Variants in ESRRG observed in about 807,000 individuals in gnomAD.
ESRRG encodes the protein estrogen related receptor gamma.
In ESRRG, 13 loss-of-function variants were observed where a neutral mutation model predicts 44.0. The observed-to-expected ratio is 0.30, with a 90% CI of 0.19 to 0.47. The LOEUF (loss-of-function observed/expected upper bound fraction) is 0.47. ESRRG is among the 20% of genes least tolerant of loss of function. The probability of loss-of-function intolerance (pLI) is 1.00; values close to 1 mark genes in which losing one functional copy is unlikely to be tolerated. For missense variants in ESRRG, 395 were observed against 580.6 expected (o/e 0.68, Z 3.29); for synonymous variants, 215 against 214.6 (o/e 1.00, Z -0.02).
At chr1:216,994,977 C>T (rs1317199718) in intron 1 of ESRRG, among the ~76,000 whole-genome samples, 2 of 152,186 alleles carry the variant, frequency 1.3e-5, no homozygotes, top group Non-Finnish European at 2.9e-5. Flanking sequence ...CCTTCATAAG[C>T]CAGCTTTGCT....
At chr1:217,039,204 G>C (rs149078208) in intron 1 of ESRRG, among the ~76,000 whole-genome samples, 4,272 of 152,142 alleles carry the variant, frequency 0.028, 133 homozygotes, top group East Asian at 0.12. Context: ...ACATTTTCCT[G>C]TCTTCCTCTG....
At chr1:216,648,347 A>C (rs979583909) in intron 3 of ESRRG, among the ~76,000 whole-genome samples, 5 of 152,164 alleles carry the variant, frequency 3.3e-5, no homozygotes, top group Non-Finnish European at 7.4e-5. Flanking sequence ...TAAAAAACTG[A>C]TATTTTGCCA....
intron 2 of ESRRG, among the ~76,000 whole-genome samples, chr1:216,922,492 A>C (rs1578184900): frequency 6.6e-6 from 1 of 152,326 alleles, no homozygotes; most frequent in Middle Eastern, 3.4e-3. Context: ...CAGGGTAGAA[A>C]AATACAAAGA....
At chr1:216,977,361 C>CACAT (rs2073147182) in intron 1 of ESRRG, among the ~76,000 whole-genome samples, 2 of 151,754 alleles carry the variant, frequency 1.3e-5, no homozygotes, top group Non-Finnish European at 2.9e-5. Flanking sequence ...CACACACACA[C>CACAT]ACACACACAC....
At chr1:216,828,558 T>C (rs2095435503) in intron 2 of ESRRG, among the ~76,000 whole-genome samples, 1 of 152,180 alleles carries the variant, frequency 6.6e-6, no homozygotes, top group African/African-American at 2.4e-5. Context: ...GTGACCAGAA[T>C]ACACACCTTC....
chr1:217,072,804 G>A (rs867157512), intron 1 of ESRRG, among the ~76,000 whole-genome samples: 2 of 152,048 alleles, frequency 1.3e-5, no homozygotes, highest in South Asian at 2.1e-4. Flanking sequence ...ATCTGAAATC[G>A]CAAGCCATAG....
chr1:216,974,591 A>C (rs1030819281), intron 1 of ESRRG, among the ~76,000 whole-genome samples: 3 of 152,200 alleles, frequency 2.0e-5, no homozygotes, highest in Non-Finnish European at 4.4e-5. Flanking sequence ...TTTTTTAAAC[A>C]GAAAAAAATG....
At chr1:216,831,646 A>G (rs193138312) in intron 2 of ESRRG, among the ~76,000 whole-genome samples, 3 of 152,322 alleles carry the variant, frequency 2.0e-5, no homozygotes, top group Admixed American at 1.3e-4. Flanking sequence ...TTAATATTAG[A>G]TAAAAAATTT....
At chr1:216,942,122 C>G (rs1218431395) in intron 1 of ESRRG, among the ~76,000 whole-genome samples, 3 of 144,300 alleles carry the variant, frequency 2.1e-5, no homozygotes, top group Non-Finnish European at 4.6e-5. Flanking sequence ...TTGTCTGTTT[C>G]TATCCAATGT....
At chr1:216,825,819 A>G (rs1313703853) in intron 2 of ESRRG, among the ~76,000 whole-genome samples, 1 of 152,156 alleles carries the variant, frequency 6.6e-6, no homozygotes, top group East Asian at 1.9e-4. Context: ...ATGACAGGGA[A>G]TCTTCAGCCC....
chr1:216,801,814 G>A (rs2094630815), intron 2 of ESRRG, among the ~76,000 whole-genome samples: 1 of 152,100 alleles, frequency 6.6e-6, no homozygotes, highest in Admixed American at 6.6e-5. Flanking sequence ...TGAGTTGTAT[G>A]AGTTACCAAT....
chr1:216,574,415 G>A (rs949433575), intron 3 of ESRRG, among the ~76,000 whole-genome samples: 1 of 152,088 alleles, frequency 6.6e-6, no homozygotes, highest in East Asian at 1.9e-4. Context: ...GGTCTTCTTA[G>A]GTCAGCTAAT....
At chr1:217,043,986 C>T (rs575363858) in intron 1 of ESRRG, among the ~76,000 whole-genome samples, 8 of 151,300 alleles carry the variant, frequency 5.3e-5, no homozygotes, top group African/African-American at 1.9e-4. Context: ...AGAAAAGAAA[C>T]CGATAGGAAT....
intron 2 of ESRRG, among the ~76,000 whole-genome samples, chr1:216,779,921 A>G (rs527480013): frequency 6.6e-6 from 1 of 151,832 alleles, no homozygotes; most frequent in Non-Finnish European, 1.5e-5. Flanking sequence ...TTAAAAATCA[A>G]ACAAGATGCC....
chr1:217,038,855 G>A (rs757505126), intron 1 of ESRRG, among the ~76,000 whole-genome samples: 4 of 152,194 alleles, frequency 2.6e-5, no homozygotes, highest in Non-Finnish European at 1.5e-5. Context: ...TTGTCAGGCT[G>A]CAAATTTTCT....
At chr1:216,517,738 T>G (rs1460639636) in intron 6 of ESRRG, among the ~76,000 whole-genome samples, 1 of 152,136 alleles carries the variant, frequency 6.6e-6, no homozygotes, top group African/African-American at 2.4e-5. Flanking sequence ...TTTGATCTTC[T>G]GGAGAGGGAG....
intron 6 of ESRRG, among the ~76,000 whole-genome samples, chr1:216,513,274 C>T (rs1175386398): frequency 6.6e-6 from 1 of 152,026 alleles, no homozygotes; most frequent in African/African-American, 2.4e-5. Flanking sequence ...ATGAATCAAG[C>T]AGAATTCTTT....
chr1:216,872,264 T>C (rs1189046201), intron 2 of ESRRG, among the ~76,000 whole-genome samples: 2 of 152,154 alleles, frequency 1.3e-5, no homozygotes, highest in African/African-American at 4.8e-5. Context: ...GATTATGATG[T>C]GTCTGAACAT....
chr1:216,773,930 T>C (rs2093486135), intron 2 of ESRRG, among the ~76,000 whole-genome samples: 1 of 152,124 alleles, frequency 6.6e-6, no homozygotes, highest in Admixed American at 6.6e-5. Flanking sequence ...ACTAGATAAT[T>C]ATAATTTTAT....
Sources: gnomAD v4.1 joint callset for allele counts (sites outside exome capture counted in the v4.1 genomes callset) on GRCh38, gnomAD v4.1.1 for gene constraint, MANE v1.5 for transcripts, NCBI Gene and HGNC (gene_info 2026-07-23, HGNC 2026-07-21) for gene names.